SLC2A13: variants seen among roughly 807,000 people sequenced by gnomAD.
The protein encoded by SLC2A13 is proton myo-inositol cotransporter.
Under a neutral mutation model 64.4 loss-of-function variants are expected in SLC2A13, and 32 were observed. That is an observed-to-expected ratio of 0.50 (90% CI 0.37 to 0.67). The LOEUF (loss-of-function observed/expected upper bound fraction) is 0.67. Ranked by LOEUF, SLC2A13 falls within the 30% of genes least tolerant of loss-of-function variation. The pLI is 0.00. For missense variants in SLC2A13, 743 were observed against 829.2 expected, an observed-to-expected ratio of 0.90 and a Z score of 1.28; for synonymous variants, 338 against 327.1, an observed-to-expected ratio of 1.03 and a Z score of -0.36.
chr12:39,865,865 A>G (rs1943894969), intron 5 of SLC2A13, among the ~76,000 whole-genome samples: 1 of 152,200 alleles, frequency 6.6e-6, no homozygotes, highest in Non-Finnish European at 1.5e-5. Flanking sequence ...AACAGACACC[A>G]GGGATTACTT....
chr12:39,831,735 T>A (rs1047012719), intron 6 of SLC2A13, among the ~76,000 whole-genome samples: 6 of 152,018 alleles, frequency 3.9e-5, no homozygotes, highest in Admixed American at 1.3e-4. Context: ...TCACATGAGA[T>A]CTGGTTGTTA....
intron 4 of SLC2A13, among the ~76,000 whole-genome samples, chr12:39,913,750 T>C (rs1945472625): frequency 3.3e-5 from 5 of 151,850 alleles, no homozygotes; most frequent in Admixed American, 3.3e-4. Context: ...GACAGAAATG[T>C]GGGGAGAAAC....
At chr12:40,021,939 T>C (rs942328804) in intron 3 of SLC2A13, among the ~76,000 whole-genome samples, 3 of 152,112 alleles carry the variant, frequency 2.0e-5, no homozygotes, top group African/African-American at 7.2e-5. Context: ...CTGCAGAATA[T>C]GATTTGCTGA....
intron 6 of SLC2A13, among the ~76,000 whole-genome samples, chr12:39,864,410 T>G (rs1326318233): frequency 1.3e-5 from 2 of 152,238 alleles, no homozygotes; most frequent in African/African-American, 4.8e-5. Context: ...TGATTAAAGT[T>G]ATTTACTTTG....
chr12:40,017,347 C>T (rs763853006), intron 3 of SLC2A13, among the ~76,000 whole-genome samples: 4 of 152,156 alleles, frequency 2.6e-5, no homozygotes, highest in Non-Finnish European at 4.4e-5. Context: ...AGGCACTCTG[C>T]CCTCTCATAT....
intron 3 of SLC2A13, among the ~76,000 whole-genome samples, chr12:39,977,714 C>G (rs1406275024): frequency 6.6e-6 from 1 of 152,218 alleles, no homozygotes; most frequent in Non-Finnish European, 1.5e-5. Flanking sequence ...TCACTCTCTG[C>G]TAATCAAGGT....
At chr12:39,835,688 G>T (rs1319693533) in intron 6 of SLC2A13, 1 of 152,068 alleles carries the variant, frequency 6.6e-6, no homozygotes, top group East Asian at 1.9e-4. Context: ...TACCAACTCT[G>T]TATCTGTAGA....
intron 4 of SLC2A13, among the ~76,000 whole-genome samples, chr12:39,890,381 C>T (rs940605259): frequency 6.6e-6 from 1 of 152,092 alleles, no homozygotes; most frequent in Non-Finnish European, 1.5e-5. Flanking sequence ...TGTCCTACTT[C>T]CCTAAATATG....
chr12:39,920,267 A>G (rs1442639366), intron 4 of SLC2A13, among the ~76,000 whole-genome samples: 1 of 152,144 alleles, frequency 6.6e-6, no homozygotes, highest in Non-Finnish European at 1.5e-5. Flanking sequence ...GTGTGTATGT[A>G]ATAAGAGACT....
intron 3 of SLC2A13, among the ~76,000 whole-genome samples, chr12:40,006,402 C>G (rs1947418987): frequency 1.3e-5 from 2 of 151,886 alleles, no homozygotes; most frequent in Non-Finnish European, 2.9e-5. Flanking sequence ...AGAAAACAGT[C>G]AATAATATGA....
At chr12:39,837,650 A>G (rs1030584907) in intron 6 of SLC2A13, among the ~76,000 whole-genome samples, 1 of 151,018 alleles carries the variant, frequency 6.6e-6, no homozygotes, top group African/African-American at 2.4e-5. Context: ...ACAAGAAAAA[A>G]ACAAACAACC....
rs753664588 is a variant in SLC2A13, at chr12:40,028,310, C to G, written c.916G>C (p.Val306Leu). 1.9e-6 allele frequency: 3 copies of G among 1,613,330 alleles called. No homozygotes were observed. Among genetic ancestry groups the G allele is most frequent in the Non-Finnish European group, 2.5e-6 (3 of 1,179,760 alleles). Reference protein sequence around the residue: ...KNNIEEEEKEVGSAGPVICRM... With the variant: ...KNNIEEEEKELGSAGPVICRM... ...TATAAAGTCTATATACCTGAGCCAA[C>G]CTCTTTTTCCTCCTCTTCAATGTTG... is the stretch of plus-strand genomic sequence containing the variant. Residue 306 changes from valine (V) to leucine (L), a missense_variant, in exon 3 of 10, where the codon GTT (valine) becomes CTT (leucine). Transcript: ENST00000280871.
At chr12:39,895,535 TATATATATATATATATAC>T (rs1466660098) in intron 4 of SLC2A13, among the ~76,000 whole-genome samples, 3 of 128,076 alleles carry the variant, frequency 2.3e-5, no homozygotes, top group Non-Finnish European at 3.3e-5. Context: ...TATATATATA[TATATATATATATATATAC>T]ACACACACAC....
chr12:39,767,642 T>G (rs916687062), intron 7 of SLC2A13, among the ~76,000 whole-genome samples: 7 of 152,046 alleles, frequency 4.6e-5, no homozygotes, highest in Admixed American at 2.0e-4. Context: ...TTGTTTAGTA[T>G]AGCCACCTGA....
chr12:39,960,064 C>A (rs1178434913), intron 3 of SLC2A13, among the ~76,000 whole-genome samples: 1 of 152,142 alleles, frequency 6.6e-6, no homozygotes, highest in African/African-American at 2.4e-5. Context: ...TTAGCATTGT[C>A]TATAGACAGG....
At chr12:39,834,578 T>C (rs1942954937) in intron 6 of SLC2A13, among the ~76,000 whole-genome samples, 1 of 152,078 alleles carries the variant, frequency 6.6e-6, no homozygotes, top group African/African-American at 2.4e-5. Flanking sequence ...TGCTACTCCA[T>C]ACTGCCCCTC....
chr12:39,850,873 G>A (rs932359722), intron 6 of SLC2A13, among the ~76,000 whole-genome samples: 1 of 151,774 alleles, frequency 6.6e-6, no homozygotes, highest in African/African-American at 2.4e-5. Context: ...ATATCAGGAA[G>A]AGCTGAATAT....
chr12:39,978,990 T>A (rs1946828270), intron 3 of SLC2A13, among the ~76,000 whole-genome samples: 1 of 150,202 alleles, frequency 6.7e-6, no homozygotes, highest in Admixed American at 6.7e-5. Context: ...ACGGGCAGAC[T>A]GCCTCCTCAA....
intron 3 of SLC2A13, among the ~76,000 whole-genome samples, chr12:39,990,907 T>C (rs1247676511): frequency 6.6e-6 from 1 of 152,140 alleles, no homozygotes; most frequent in Non-Finnish European, 1.5e-5. Flanking sequence ...AACCTAGGCT[T>C]CAAGGTTCAA....
Sources: allele counts gnomAD v4.1 joint callset (sites outside exome capture counted in the v4.1 genomes callset), GRCh38; gene constraint gnomAD v4.1.1; transcripts MANE v1.5; gene names NCBI Gene and HGNC (gene_info 2026-07-23, HGNC 2026-07-21).